The following PLEKHA6 variants were observed in gnomAD, a reference collection of about 807,000 sequenced individuals.
The protein encoded by PLEKHA6 is pleckstrin homology domain-containing family A member 6.
Under a neutral mutation model 116.7 loss-of-function variants are expected in PLEKHA6, and 60 were observed. The ratio of observed to expected loss-of-function variants is 0.51; its 90% CI spans 0.42 to 0.64. The LOEUF (loss-of-function observed/expected upper bound fraction) is 0.64. PLEKHA6 is among the 30% of genes least tolerant of loss of function. The pLI, the probability that PLEKHA6 is intolerant of heterozygous loss-of-function variation, is 0.00. For missense variants in PLEKHA6, 1,338 were observed against 1,422.7 expected (o/e 0.94, Z 0.96); for synonymous variants, 489 against 556.1 (o/e 0.88, Z 1.70).
chr1:204,340,696 G>A (rs1040946898), intron 1 of PLEKHA6, among the ~76,000 whole-genome samples: 13 of 152,194 alleles, frequency 8.5e-5, no homozygotes, highest in Non-Finnish European at 1.6e-4. Context: ...TATGGCTCTG[G>A]AATGGTGCAG....
rs1176650852 is a variant in PLEKHA6, at chr1:204,257,688, G to GGAA, written c.1186_1188dup (p.Phe396dup). On this transcript the variant is annotated inframe_insertion, in exon 9 of 23. Transcript: ENST00000272203. This position sits in a 1 kb window ranked among gnomAD's most constrained non-coding sequence, Gnocchi z 6.5. ...TGGTAGGCAGGGCCACCCCCATTGC[G>GGAA]GAAGGCATGGCGCTTGTCCTCCAGG... is the stretch of plus-strand genomic sequence containing the variant. 6.2e-7 allele frequency: 1 copy of GGAA among 1,611,120 alleles called. No homozygotes were observed. The highest frequency in any genetic ancestry group is 2.2e-5 in the East Asian group (1 of 44,844).
At chr1:204,347,023 T>A in intron 1 of PLEKHA6, 1 of 1,437,590 alleles carries the variant, frequency 7.0e-7, no homozygotes, top group Admixed American at 1.7e-5. Context: ...GCCTTTAACT[T>A]GTTTGTTTAC....
At chr1:204,260,120 A>G (rs1665923491) in intron 7 of PLEKHA6, among the ~76,000 whole-genome samples, 1 of 151,946 alleles carries the variant, frequency 6.6e-6, no homozygotes, top group Non-Finnish European at 1.5e-5. Context: ...AGCTCCCCAA[A>G]CTGGGTTTGC....
At chr1:204,284,368 G>C (rs1668948406) in intron 1 of PLEKHA6, among the ~76,000 whole-genome samples, 1 of 152,184 alleles carries the variant, frequency 6.6e-6, no homozygotes, top group Admixed American at 6.5e-5. Flanking sequence ...TCTCAGACTG[G>C]GAGTAATAGG....
intron 1 of PLEKHA6, among the ~76,000 whole-genome samples, chr1:204,283,322 C>A (rs1218509183): frequency 6.6e-6 from 1 of 152,202 alleles, no homozygotes; most frequent in African/African-American, 2.4e-5. Context: ...GAGAATCAAG[C>A]TGTCTGGTAT....
chr1:204,325,962 G>T (rs985025675), intron 1 of PLEKHA6: 6 of 964,020 alleles, frequency 6.2e-6, no homozygotes, highest in Non-Finnish European at 7.4e-6. Context: ...CACAAAAGGG[G>T]CAGAGTCCCT....
chr1:204,328,460 C>T (rs1446761406), intron 1 of PLEKHA6, among the ~76,000 whole-genome samples: 1 of 151,304 alleles, frequency 6.6e-6, no homozygotes, highest in Non-Finnish European at 1.5e-5. Flanking sequence ...GCGATGGCAC[C>T]ATCTCGGCTC....
chr1:204,230,095 G>C (rs528018620), intron 18 of PLEKHA6, among the ~76,000 whole-genome samples: 4 of 152,300 alleles, frequency 2.6e-5, no homozygotes, highest in African/African-American at 9.6e-5. Context: ...TCCAGAAATG[G>C]GTGTAAGTGA....
At chr1:204,253,042 T>A (rs1245151118) in intron 9 of PLEKHA6, among the ~76,000 whole-genome samples, 1 of 152,178 alleles carries the variant, frequency 6.6e-6, no homozygotes, top group Admixed American at 6.5e-5. Context: ...CTACCTTCTG[T>A]CTCTTCAAAA....
At chr1:204,377,816 T>TCCCTGGCAGTGTCGCTCCCGGGA (rs1673899004), upstream of PLEKHA6, 1 of 152,782 alleles carries the variant, frequency 6.5e-6, no homozygotes, top group South Asian at 2.1e-4. Flanking sequence ...CGCTCCCGGG[T>TCCCTGGCAGTGTCGCTCCCGGGA]CCCTGGCAGT....
At chr1:204,347,064 G>C in intron 1 of PLEKHA6, 1 of 1,430,862 alleles carries the variant, frequency 7.0e-7, no homozygotes, top group Admixed American at 1.7e-5. Context: ...GGGTAACATT[G>C]TAGACTCTTC....
At position 204,228,894 on chromosome 1, in the gene PLEKHA6, C is replaced by T. The variant is rs368122155; in HGVS notation, c.2752-33G>A. The T allele has an allele frequency of 3.7e-6, 6 of 1,613,936 alleles. No individual in the cohort carries two copies. The African/African-American group carries it at 8.0e-5, about 22-fold the overall frequency. On this transcript the variant is annotated intron_variant, in intron 19 of 22. Coordinates refer to ENST00000272203, the MANE Select transcript of PLEKHA6 (RefSeq NM_014935.5). The surrounding 1 kb of genome is among the most constrained non-coding windows in gnomAD (Gnocchi z 4.0). ...GGGGCTGGGGTCACCACCTCTGTCC[C>T]TTCCCAGAGTCTCCCACTACAGCCC...
chr1:204,244,281 G>A (rs1230351080), intron 15 of PLEKHA6, among the ~76,000 whole-genome samples: 8 of 151,038 alleles, frequency 5.3e-5, no homozygotes, highest in East Asian at 3.9e-4. Context: ...ACAGGCGCGC[G>A]CCACCACGCT....
At position 204,228,821 on chromosome 1, in the gene PLEKHA6, A is replaced by G; in HGVS notation, c.2792T>C (p.Ile931Thr). The G allele has an allele frequency of 1.2e-6, 2 of 1,613,960 alleles. No homozygotes were observed. The highest frequency in any genetic ancestry group is 1.7e-6 in the Non-Finnish European group (2 of 1,179,952). Residue 931 changes from isoleucine to threonine, a missense_variant, in exon 20 of 23, where the codon ATT becomes ACT. Around this residue, in one of 3 missense-constraint regions of PLEKHA6, gnomAD observed 1,136 missense variants for 1,163.6 expected, o/e 0.98. Coordinates refer to ENST00000272203, the MANE Select transcript of PLEKHA6 (RefSeq NM_014935.5). This position sits in a 1 kb window ranked among gnomAD's most constrained non-coding sequence, Gnocchi z 4.0. ...PDKVLIPERY[I>T]DLEPDTPLSP... ...CAGGGGAGTGTCAGGCTCCAGGTCA[A>G]TGTACCGTTCAGGGATGAGGACTTT...
intron 1 of PLEKHA6, among the ~76,000 whole-genome samples, chr1:204,348,310 C>T (rs1673144919): frequency 6.6e-6 from 1 of 152,168 alleles, no homozygotes. Context: ...CATCAGCCAC[C>T]CTTCAGCCCT....
chr1:204,330,948 A>G (rs1672425312), intron 1 of PLEKHA6, among the ~76,000 whole-genome samples: 1 of 152,174 alleles, frequency 6.6e-6, no homozygotes. Context: ...TAATCCTAGC[A>G]CTTTGGGAGG....
chr1:204,244,733 A>T, intron 15 of PLEKHA6, 131 bp downstream of exon 15: 1 of 642,822 alleles, frequency 1.6e-6, no homozygotes, highest in Non-Finnish European at 2.5e-6. Context: ...TGACCTCCTT[A>T]AACAAAGAGC....
intron 1 of PLEKHA6, among the ~76,000 whole-genome samples, chr1:204,340,213 T>G (rs1572204741): frequency 1.3e-5 from 2 of 151,014 alleles, no homozygotes; most frequent in African/African-American, 4.9e-5. Flanking sequence ...GGGAGGGGGG[T>G]GTGTTATTCC....
At chr1:204,249,025 T>A in intron 11 of PLEKHA6, 55 bp from the exon 12 acceptor site, 1 of 1,589,636 alleles carries the variant, frequency 6.3e-7, no homozygotes, top group Non-Finnish European at 8.6e-7. Flanking sequence ...TCTCTGGGAT[T>A]GAACAGCAGA....
Sources: gnomAD v4.1 joint callset for allele counts (sites outside exome capture counted in the v4.1 genomes callset) on GRCh38, gnomAD v4.1.1 for gene constraint, gnomAD v4.1.1 regional missense constraint, Gnocchi (gnomAD v3.1) non-coding constraint, MANE v1.5 for transcripts, NCBI Gene and HGNC (gene_info 2026-07-23, HGNC 2026-07-21) for gene names.